The following CYP19A1 variants were observed in gnomAD, a reference collection of about 807,000 sequenced individuals.
CYP19A1 encodes aromatase.
In CYP19A1, 32 loss-of-function variants were observed where a neutral mutation model predicts 44.4. The observed-to-expected ratio is 0.72, with a 90% confidence interval of 0.54 to 0.97. The LOEUF is 0.97. CYP19A1 is among the 50% of genes least tolerant of loss of function. CYP19A1 has a pLI of 0.00. For missense variants in CYP19A1, 598 were observed against 637.8 expected, an observed-to-expected ratio of 0.94 and a Z score of 0.67; for synonymous variants, 212 against 215.6, an observed-to-expected ratio of 0.98 and a Z score of 0.14.
At position 51,215,808 on chromosome 15, in the gene CYP19A1, C is replaced by T; in HGVS notation, c.753G>A (p.Leu251=). Residue 251 remains leucine (L), a synonymous_variant, in exon 7 of 10, where the codon TTG becomes TTA. Coordinates refer to ENST00000396402, the MANE Select transcript of CYP19A1 (RefSeq NM_000103.4). The part of the protein sequence containing the change: ...YKKYEKSVKD[L]KDAIEVLIAE... ...CTATCAGAACTTCTATGGCATCTTT[C>T]AAATCCTTGCTGGAAAAAAAGTCAA... 6.2e-7 allele frequency: 1 copy of T among 1,613,780 alleles called. No homozygotes were observed.
intron 1 of CYP19A1, among the ~76,000 whole-genome samples, chr15:51,290,832 A>G (rs1010003854): frequency 3.9e-5 from 6 of 152,192 alleles, no homozygotes; most frequent in Non-Finnish European, 8.8e-5. Flanking sequence ...CTGGTCCTCT[A>G]GTGCTGCCCT....
At chr15:51,304,027 C>T (rs1003395576) in intron 1 of CYP19A1, among the ~76,000 whole-genome samples, 3 of 151,990 alleles carry the variant, frequency 2.0e-5, no homozygotes, top group African/African-American at 7.3e-5. Flanking sequence ...ACAATTGCAG[C>T]AAAAAAGTTC....
At chr15:51,293,431 A>T (rs919565901) in intron 1 of CYP19A1, among the ~76,000 whole-genome samples, 6 of 152,254 alleles carry the variant, frequency 3.9e-5, no homozygotes, top group African/African-American at 1.4e-4. Flanking sequence ...AACTACATTT[A>T]GTCAAGAACC....
chr15:51,245,614 C>A (rs1024492038), intron 1 of CYP19A1, among the ~76,000 whole-genome samples: 1 of 152,152 alleles, frequency 6.6e-6, no homozygotes, highest in African/African-American at 2.4e-5. Context: ...ATTTTTGCAA[C>A]CTACTCATCT....
At chr15:51,336,250 G>A (rs2036773097) in intron 1 of CYP19A1, among the ~76,000 whole-genome samples, 1 of 152,210 alleles carries the variant, frequency 6.6e-6, no homozygotes. Flanking sequence ...CAGGAATGAT[G>A]CCTGGCTTTG....
intron 1 of CYP19A1, among the ~76,000 whole-genome samples, chr15:51,289,038 A>G (rs545923256): frequency 2.0e-5 from 3 of 152,130 alleles, no homozygotes; most frequent in Non-Finnish European, 4.4e-5. Flanking sequence ...GTCGTTCTCA[A>G]ATGCGGTCAT....
intron 1 of CYP19A1, among the ~76,000 whole-genome samples, chr15:51,328,201 T>G (rs1419178328): frequency 1.3e-5 from 2 of 152,240 alleles, no homozygotes. Context: ...CTATGCTGCA[T>G]TCCTGAAAAA....
intron 1 of CYP19A1, among the ~76,000 whole-genome samples, chr15:51,307,765 C>T (rs1451147960): frequency 2.6e-5 from 4 of 152,130 alleles, no homozygotes; most frequent in Non-Finnish European, 5.9e-5. Flanking sequence ...TGTGATTAGC[C>T]CTAATGCCAG....
chr15:51,260,067 C>A (rs1360359884), intron 1 of CYP19A1, among the ~76,000 whole-genome samples: 1 of 152,168 alleles, frequency 6.6e-6, no homozygotes, highest in African/African-American at 2.4e-5. Flanking sequence ...TGCCAATTAT[C>A]AAAGTAGACC....
chr15:51,217,465 A>C lies in CYP19A1; in HGVS notation c.743+1076T>G, dbSNP rs900277575. Among the ~76,000 whole-genome samples, 4 of 152,380 alleles carry C rather than the reference A, an allele frequency of 2.6e-5. No homozygotes were observed. The East Asian group carries it at 7.7e-4, about 29-fold the overall frequency. On this transcript the variant is annotated intron_variant, in intron 6 of 9. Transcript: ENST00000396402. ...ATAAGCTCTGGTGGAAATGAAATGT[A>C]TAAAGAACCAAGTGTCTAAAACATT...
intron 1 of CYP19A1, among the ~76,000 whole-genome samples, chr15:51,254,139 G>A (rs958798058): frequency 2.6e-5 from 4 of 152,194 alleles, no homozygotes; most frequent in African/African-American, 4.8e-5. Context: ...TCAGTGATAC[G>A]AGGAAAGTAA....
At chr15:51,220,966 C>T (rs181553603) in intron 5 of CYP19A1, among the ~76,000 whole-genome samples, 14 of 148,366 alleles carry the variant, frequency 9.4e-5, no homozygotes, top group African/African-American at 3.4e-4. Flanking sequence ...GGTAGAGTTG[C>T]ATGCACATGT....
At chr15:51,243,862 G>T (rs1270843581) in intron 1 of CYP19A1, among the ~76,000 whole-genome samples, 1 of 152,214 alleles carries the variant, frequency 6.6e-6, no homozygotes, top group Non-Finnish European at 1.5e-5. Flanking sequence ...GCCAGGTTTT[G>T]TAATCCCTTT....
At chr15:51,275,651 C>T (rs891478394) in intron 1 of CYP19A1, among the ~76,000 whole-genome samples, 7 of 152,188 alleles carry the variant, frequency 4.6e-5, no homozygotes, top group Admixed American at 1.3e-4. Flanking sequence ...GCCCAGTCCT[C>T]GTCAAGCACC....
chr15:51,337,615 G>C (rs1416231093), intron 1 of CYP19A1, among the ~76,000 whole-genome samples: 1 of 152,224 alleles, frequency 6.6e-6, no homozygotes, highest in Non-Finnish European at 1.5e-5. Flanking sequence ...AGGAAGTCAA[G>C]GCTAGATGAG....
chr15:51,257,041 G>A (rs2034541319), intron 1 of CYP19A1, among the ~76,000 whole-genome samples: 2 of 152,200 alleles, frequency 1.3e-5, no homozygotes, highest in Admixed American at 1.3e-4. Flanking sequence ...ATAATAAATT[G>A]TATGGTCACC....
intron 2 of CYP19A1, among the ~76,000 whole-genome samples, chr15:51,238,125 C>A (rs1595705764): frequency 6.6e-6 from 1 of 152,224 alleles, no homozygotes; most frequent in East Asian, 1.9e-4. Flanking sequence ...ATGAGCAAGA[C>A]TGTCAGCTCT....
intron 1 of CYP19A1, among the ~76,000 whole-genome samples, chr15:51,262,012 C>G (rs961155880): frequency 6.6e-6 from 1 of 152,230 alleles, no homozygotes; most frequent in Non-Finnish European, 1.5e-5. Context: ...TAAACAAAAT[C>G]TCTGCAGCAT....
chr15:51,281,564 G>A (rs2035518125), intron 1 of CYP19A1, among the ~76,000 whole-genome samples: 1 of 152,340 alleles, frequency 6.6e-6, no homozygotes, highest in South Asian at 2.1e-4. Context: ...GGGCAGCAAA[G>A]CACAACCGCC....
Sources: gnomAD v4.1 joint callset for allele counts (sites outside exome capture counted in the v4.1 genomes callset) on GRCh38, gnomAD v4.1.1 for gene constraint, MANE v1.5 for transcripts, NCBI Gene and HGNC (gene_info 2026-07-23, HGNC 2026-07-21) for gene names.